Variants in DMXL1 observed in about 807,000 individuals in gnomAD.
DMXL1 encodes the protein dmX-like protein 1.
In DMXL1, 99 loss-of-function variants were observed where a neutral mutation model predicts 319.2. The observed-to-expected ratio is 0.31, with a 90% CI of 0.26 to 0.37. DMXL1 has a LOEUF of 0.37. Ranked by LOEUF, DMXL1 falls within the 10% of genes least tolerant of loss-of-function variation. DMXL1 has a pLI of 1.00. For synonymous variants in DMXL1, 1,385 were observed against 1,235.2 expected, an observed-to-expected ratio of 1.12 and a Z score of -2.54; for missense variants, 3,745 against 3,595.6, an observed-to-expected ratio of 1.04 and a Z score of -1.06.
Position 119,170,911 on chromosome 5 carries a change from ACTTCGTACTT to A in DMXL1, c.6121_6130del (p.Leu2041TyrfsTer7). ...CATGTTTAAAGATTCTCACAGTAGA[ACTTCGTACTT>A]TATCTACTGGCTATGAAATAGATGG... On this transcript the variant is annotated frameshift_variant, in exon 24 of 44. Coordinates refer to ENST00000539542, the MANE Select transcript of DMXL1 (RefSeq NM_001290321.3). LOFTEE classifies it high-confidence loss of function. The A allele has an allele frequency of 6.2e-7, 1 of 1,613,398 alleles. No individual in the cohort carries two copies. The highest frequency in any genetic ancestry group is 8.5e-7 in the Non-Finnish European group (1 of 1,179,824).
At chr5:119,146,769 C>T (rs1478089056) in intron 15 of DMXL1, 68 bp from the exon 16 acceptor site, 6 of 1,428,094 alleles carry the variant, frequency 4.2e-6, no homozygotes, top group Admixed American at 2.5e-5. Context: ...ATTATTTTAA[C>T]TTGGCATGTT....
chr5:119,187,004 A>G (rs1777843864), intron 28 of DMXL1, among the ~76,000 whole-genome samples: 1 of 152,174 alleles, frequency 6.6e-6, no homozygotes, highest in Non-Finnish European at 1.5e-5. Flanking sequence ...CAGCACACCA[A>G]CATGGCACAT....
At chr5:119,222,747 A>T (rs1406287543) in intron 37 of DMXL1, among the ~76,000 whole-genome samples, 1 of 152,154 alleles carries the variant, frequency 6.6e-6, no homozygotes, top group Non-Finnish European at 1.5e-5. Flanking sequence ...TACAAAATTT[A>T]ACCTTCTGCC....
At position 119,104,799 on chromosome 5, in the gene DMXL1, A is replaced by G. The variant is rs115952130; in HGVS notation, c.286-381A>G. Among the ~76,000 whole-genome samples, 444 of 152,314 alleles carry G rather than the reference A, an allele frequency of 2.9e-3. 4 individuals are homozygous for G. Among genetic ancestry groups the G allele is most frequent in the Non-Finnish European group, 3.1e-3 (214 of 68,030 alleles). Reference sequence around the variant, plus strand: ...TCTTTTATTCTGAATTTTCCCACATACTATTATGATCTCAGATGGGGACAA... The same window carrying G: ...TCTTTTATTCTGAATTTTCCCACATGCTATTATGATCTCAGATGGGGACAA... On this transcript the variant is annotated intron_variant, in intron 3 of 43. Coordinates refer to ENST00000539542, the MANE Select transcript of DMXL1 (RefSeq NM_001290321.3).
At chr5:119,115,242 T>C (rs1187198272) in intron 6 of DMXL1, among the ~76,000 whole-genome samples, 1 of 152,246 alleles carries the variant, frequency 6.6e-6, no homozygotes, top group Non-Finnish European at 1.5e-5. Flanking sequence ...TCATGTAGTA[T>C]ACAATCAATA....
In DMXL1 at chr5:119,234,373, A is replaced by G. The variant is rs780115773; in HGVS notation, c.8466+906A>G. ...TCTTCAGGGCCATGCTGCACCAAAA[A>G]TTACTCTCACAGACTCTAACTGATG... On this transcript the variant is annotated intron_variant, in intron 39 of 43. Transcript: ENST00000539542. Among the ~76,000 whole-genome samples, 4 of 152,070 alleles carry G rather than the reference A, an allele frequency of 2.6e-5. No homozygotes were observed. The East Asian group carries it at 7.7e-4, about 29-fold the overall frequency.
intron 7 of DMXL1, among the ~76,000 whole-genome samples, chr5:119,116,886 A>T (rs889492167): frequency 2.0e-5 from 3 of 152,140 alleles, no homozygotes. Flanking sequence ...ACAGTGACAC[A>T]CACATACATA....
At chr5:119,190,983 T>G (rs1330002549) in intron 29 of DMXL1, among the ~76,000 whole-genome samples, 1 of 152,244 alleles carries the variant, frequency 6.6e-6, no homozygotes, top group South Asian at 2.1e-4. Context: ...CAAACTACTC[T>G]TGATAAAATG....
rs1765263038 is a variant in DMXL1 at position 119,132,987 on chromosome 5, G to C, written c.1316-145G>C. 5.6e-6 allele frequency: 4 copies of C among 713,882 alleles called. No homozygotes were observed. The South Asian group carries it at 5.8e-5, about 10-fold the overall frequency. 44.2% of individuals were successfully genotyped at this position (713,882 alleles called of 1,614,324 possible). On this transcript the variant is annotated intron_variant, in intron 10 of 43. Transcript: ENST00000539542. ...ACGGATAAAGAGATGTGTAGGGTGAGGTGTGGCGGAAGGGGTACAGAGCTT... is the reference window on the plus strand; with the variant it reads ...ACGGATAAAGAGATGTGTAGGGTGACGTGTGGCGGAAGGGGTACAGAGCTT...
intron 34 of DMXL1, among the ~76,000 whole-genome samples, chr5:119,208,698 A>C (rs1407932111): frequency 1.3e-5 from 2 of 152,166 alleles, no homozygotes; most frequent in African/African-American, 4.8e-5. Context: ...TTAAAAAAAA[A>C]ATCTTTGTAA....
At chr5:119,101,697 A>G (rs914814299) in intron 2 of DMXL1, among the ~76,000 whole-genome samples, 3 of 152,198 alleles carry the variant, frequency 2.0e-5, no homozygotes, top group African/African-American at 7.2e-5. Flanking sequence ...TGTACATATT[A>G]TGAACACTGT....
chr5:119,176,937 A>G (rs964673056), intron 26 of DMXL1, among the ~76,000 whole-genome samples: 3 of 152,080 alleles, frequency 2.0e-5, no homozygotes, highest in African/African-American at 7.2e-5. Flanking sequence ...TTGTTCCACT[A>G]TTAAATTTTA....
rs139944982 is a variant in DMXL1 at position 119,149,058 on chromosome 5, T to C, written c.3231T>C (p.His1077=). The change falls in exon 18 of 44, where the codon CAT becomes CAC. Residue 1077 remains histidine (H), a synonymous_variant. Coordinates refer to ENST00000539542, the MANE Select transcript of DMXL1 (RefSeq NM_001290321.3). ...NSRSSQDFVM[H]VSIFECESTG... is the part of the protein sequence containing the mutation. The stretch of plus-strand genomic sequence containing the variant: ...GATCTTCCCAGGACTTTGTGATGCA[T>C]GTAAGTATTTTTGAATGTGAGTCAA... 504 of 1,613,812 alleles carry C rather than the reference T, an allele frequency of 3.1e-4. No homozygotes were observed. The highest frequency in any genetic ancestry group is 4.1e-4 in the Non-Finnish European group (479 of 1,179,872).
chr5:119,166,179 A>G (rs1382650518), intron 21 of DMXL1, among the ~76,000 whole-genome samples: 3 of 152,244 alleles, frequency 2.0e-5, no homozygotes, highest in East Asian at 1.9e-4. Flanking sequence ...CCTTTGGGGG[A>G]AAAATCACGA....
At chr5:119,094,996 C>CA (rs1461641690) in intron 1 of DMXL1, among the ~76,000 whole-genome samples, 1 of 152,064 alleles carries the variant, frequency 6.6e-6, no homozygotes, top group Non-Finnish European at 1.5e-5. Flanking sequence ...GCTGGGACTA[C>CA]AGGCGTACGC....
intron 1 of DMXL1, among the ~76,000 whole-genome samples, chr5:119,093,734 A>G (rs1755317936): frequency 6.6e-6 from 1 of 151,882 alleles, no homozygotes; most frequent in African/African-American, 2.4e-5. Flanking sequence ...GCAAAGGGAA[A>G]ATTCCAAAGG....
chr5:119,100,778 T>C (rs1481148402), intron 2 of DMXL1: 3 of 130,634 alleles, frequency 2.3e-5, no homozygotes, highest in South Asian at 2.8e-4. Flanking sequence ...TTCTTTTTTT[T>C]TTTTTTTTTT....
chr5:119,138,200 T>C (rs940693780), intron 13 of DMXL1, among the ~76,000 whole-genome samples: 16 of 152,142 alleles, frequency 1.1e-4, no homozygotes, highest in Non-Finnish European at 1.6e-4. Context: ...AAATTCAAGA[T>C]GTTGTTTAGA....
intron 38 of DMXL1, among the ~76,000 whole-genome samples, chr5:119,230,450 C>G (rs1008207826): frequency 1.3e-5 from 2 of 152,230 alleles, no homozygotes; most frequent in Admixed American, 1.3e-4. Flanking sequence ...ACAATACCAT[C>G]TGGTGATAGA....
Sources: gnomAD v4.1 joint callset for allele counts (sites outside exome capture counted in the v4.1 genomes callset) on GRCh38, gnomAD v4.1.1 for gene constraint, MANE v1.5 for transcripts, NCBI Gene and HGNC (gene_info 2026-07-23, HGNC 2026-07-21) for gene names.